RND3: variants seen among roughly 807,000 people sequenced by gnomAD.
RND3 encodes Rho family GTPase 3.
A neutral mutation model predicts 26.5 loss-of-function variants in RND3; 8 were observed. That is an observed-to-expected ratio of 0.30 (90% CI 0.18 to 0.54). RND3 has a LOEUF of 0.54. RND3 is among the 20% of genes least tolerant of loss of function. RND3 has a pLI of 0.94. For missense variants in RND3, 207 were observed against 302.8 expected (o/e 0.68, Z 2.35); for synonymous variants, 113 against 113.0 (o/e 1.00, Z 0.00).
intron 3 of RND3, among the ~76,000 whole-genome samples, chr2:150,476,346 G>C (rs1686164457): frequency 6.6e-6 from 1 of 152,294 alleles, no homozygotes; most frequent in South Asian, 2.1e-4. Context: ...CTGTTCTTGT[G>C]ATCTAAAAGG....
chr2:150,484,413 C>T (rs545672961), intron 3 of RND3, among the ~76,000 whole-genome samples: 2 of 152,268 alleles, frequency 1.3e-5, no homozygotes, highest in Non-Finnish European at 2.9e-5. Flanking sequence ...GCATCTATTC[C>T]GAAATATCCA....
intron 4 of RND3, among the ~76,000 whole-genome samples, chr2:150,473,091 A>G (rs1686112917): frequency 6.7e-6 from 1 of 148,336 alleles, no homozygotes; most frequent in Non-Finnish European, 1.5e-5. Context: ...ATTATGTAGG[A>G]ACACCTACCA....
intron 3 of RND3, among the ~76,000 whole-genome samples, chr2:150,480,438 G>A (rs959026250): frequency 2.0e-5 from 3 of 152,164 alleles, no homozygotes. Flanking sequence ...GAAAATGACT[G>A]AGCCACGACT....
At chr2:150,482,702 T>C (rs1686294701) in intron 3 of RND3, among the ~76,000 whole-genome samples, 1 of 115,330 alleles carries the variant, frequency 8.7e-6, no homozygotes, top group Admixed American at 1.2e-4. Context: ...GTAGTTGCTT[T>C]AACTGGTGTG....
In RND3 at chr2:150,474,968, G is replaced by A. The variant is rs549857506; in HGVS notation, c.255C>T (p.Asp85=). 6.2e-7 allele frequency: 1 copy of A among 1,610,934 alleles called. No individual in the cohort carries two copies. Among genetic ancestry groups the A allele is most frequent in the African/African-American group, 1.3e-5 (1 of 74,912 alleles). Residue 85 remains aspartate (D), a synonymous_variant, in exon 4 of 6, where the codon GAC becomes GAT. Coordinates refer to ENST00000263895, the MANE Select transcript of RND3 (RefSeq NM_005168.5). ...CAGGGTAAGAGAGGGGGCGGACATT[G>A]TCATAGTAAGGAGAACCTGAGAAGA... ...LWDTSGSPYY[D]NVRPLSYPDS...
chr2:150,481,818 C>A (rs1686277565), intron 3 of RND3, among the ~76,000 whole-genome samples: 1 of 152,122 alleles, frequency 6.6e-6, no homozygotes, highest in Non-Finnish European at 1.5e-5. Context: ...TACTGCTGAA[C>A]CATTTCCATC....
Position 150,487,474 on chromosome 2 carries a change from A to AAAATATATAT in RND3, c.-38-20_-38-19insATATATATTT. 306 of 200,788 alleles carry AAAATATATAT rather than the reference A, an allele frequency of 1.5e-3. 4 individuals carry two copies. Among genetic ancestry groups the AAAATATATAT allele is most frequent in the African/African-American group, 5.9e-3 (216 of 36,646 alleles). The allele number at this position is 200,788 out of a possible 1,614,324, so 12.4% of individuals were successfully genotyped here. ...ATTTTCTCTTAAGAAGAAAAAAAAA[A>AAAATATATAT]ATATATATATATATATATATTTCTC... is the stretch of plus-strand genomic sequence containing the variant. On this transcript the variant is annotated intron_variant, in intron 1 of 5. Transcript: ENST00000263895.
rs1686356017 is a variant in RND3 at position 150,486,125 on chromosome 2, C to T, written c.238+569G>A. On this transcript the variant is annotated intron_variant, in intron 3 of 5. Coordinates refer to ENST00000263895, the MANE Select transcript of RND3 (RefSeq NM_005168.5). This position sits in a 1 kb window ranked among gnomAD's most constrained non-coding sequence, Gnocchi z 4.5. ...GCGAAGAGGAGGTTCAGCTGCTGCC[C>T]GGCCCCTGCGCCACCAGCGCATTCC... is the stretch of plus-strand genomic sequence containing the variant. Among the ~76,000 whole-genome samples, 1 of 151,998 alleles carries T rather than the reference C, an allele frequency of 6.6e-6. No individual in the cohort carries two copies. Among genetic ancestry groups the T allele is most frequent in the East Asian group, 1.9e-4 (1 of 5,140 alleles).
chr2:150,480,504 T>C (rs970681114), intron 3 of RND3, among the ~76,000 whole-genome samples: 5 of 152,186 alleles, frequency 3.3e-5, no homozygotes, highest in Admixed American at 6.5e-5. Context: ...AAGTATTGGT[T>C]CTTGGTGTCA....
rs145714285 is a variant in RND3, at chr2:150,483,701, T to C, written c.238+2993A>G. Among the ~76,000 whole-genome samples, 16 of 152,334 alleles carry C rather than the reference T, an allele frequency of 1.1e-4. No homozygotes were observed. The East Asian group carries it at 3.1e-3, about 29-fold the overall frequency. ...TGTTAAAGATCCTTGAAATAATTAG[T>C]TGCTGATTCAATGGTTCCTGCTAGA... is the stretch of plus-strand genomic sequence containing the variant. On this transcript the variant is annotated intron_variant, in intron 3 of 5. Transcript: ENST00000263895.
chr2:150,487,458 T>TAAAAAA lies in RND3; in HGVS notation c.-38-4_-38-3insTTTTTT, dbSNP rs1558873205. 1.1e-6 allele frequency: 1 copy of TAAAAAA among 877,410 alleles called. No individual in the cohort carries two copies. The highest frequency in any genetic ancestry group is 1.5e-6 in the Non-Finnish European group (1 of 669,428). 54.4% of individuals were successfully genotyped at this position (877,410 alleles called of 1,614,324 possible). ...TTCTCTTGGAACAGGAATTTTCTCT[T>TAAAAAA]AAGAAGAAAAAAAAAAATATATATA... On this transcript the variant is annotated splice_region_variant and splice_polypyrimidine_tract_variant and intron_variant, in intron 1 of 5. Coordinates refer to ENST00000263895, the MANE Select transcript of RND3 (RefSeq NM_005168.5).
In RND3 at chr2:150,468,435, T is replaced by C. The variant is rs1203369519; in HGVS notation, c.*1552A>G. ...GCATAATGCTGCATCAATCAAAGCA[T>C]ATTATGTTGGTAAAATGTCTGTATT... is the stretch of plus-strand genomic sequence containing the variant. On this transcript the variant is annotated 3_prime_UTR_variant, in exon 6 of 6. Transcript: ENST00000263895. The C allele has an allele frequency of 6.6e-6, 1 of 152,646 alleles. No individual in the cohort carries two copies. Among genetic ancestry groups the C allele is most frequent in the Non-Finnish European group, 1.5e-5 (1 of 68,036 alleles). The allele number at this position is 152,646 out of a possible 1,614,324, so 9.5% of individuals were successfully genotyped here. A position where few individuals can be genotyped will look rare whatever the true frequency, so the allele number is the denominator to read the frequency against.
In RND3 at chr2:150,487,405, T is replaced by G. The variant is rs1686398639; in HGVS notation, c.13A>C (p.Arg5=). 3 of 1,522,008 alleles carry G rather than the reference T, an allele frequency of 2.0e-6. No individual in the cohort carries two copies. The highest frequency in any genetic ancestry group is 1.4e-5 in the African/African-American group (1 of 71,186). The allele number at this position is 1,522,008 out of a possible 1,614,324, so 94.3% of individuals were successfully genotyped here. The change falls in exon 2 of 6, where the codon AGA becomes CGA. Residue 5 remains arginine (R), a synonymous_variant. Coordinates refer to ENST00000263895, the MANE Select transcript of RND3 (RefSeq NM_005168.5). ...TTGCTGGATAATTTCTGGCTGGCTC[T>G]TCTCTCCTTCATTGATGTTGCCTTA... The part of the protein sequence containing the change: MKER[R]ASQKLSSKSI...
rs971358643 is a variant in RND3 at position 150,486,932 on chromosome 2, C to A, written c.151-151G>T. The A allele has an allele frequency of 8.8e-6, 6 of 683,268 alleles. No homozygotes were observed. In the Admixed American group the frequency reaches 1.3e-4, roughly 14 times the overall value. 42.3% of individuals were successfully genotyped at this position (683,268 alleles called of 1,614,324 possible). ...CAGACCACACACTAAGCACATGGAC[C>A]CTTTCCGAAACCCCTGTCCTACTCC... On this transcript the variant is annotated intron_variant, in intron 2 of 5. Coordinates refer to ENST00000263895, the MANE Select transcript of RND3 (RefSeq NM_005168.5). This position sits in a 1 kb window ranked among gnomAD's most constrained non-coding sequence, Gnocchi z 4.5.
intron 3 of RND3, among the ~76,000 whole-genome samples, chr2:150,481,593 C>G (rs1686270948): frequency 6.6e-6 from 1 of 152,152 alleles, no homozygotes; most frequent in Non-Finnish European, 1.5e-5. Context: ...AGAAGCTGCT[C>G]TCACCCAGCT....
Position 150,486,628 on chromosome 2 carries a change from ACCCGCCGCGCATCC to A in RND3, c.238+52_238+65del, listed in dbSNP as rs1170780905. On this transcript the variant is annotated intron_variant, in intron 3 of 5. Transcript: ENST00000263895. This position sits in a 1 kb window ranked among gnomAD's most constrained non-coding sequence, Gnocchi z 4.5. ...GGCTTGTAGCGCGCGGTTTCCCGAG[ACCCGCCGCGCATCC>A]CCCAGCGACTGGAAACCCGCCCCAA... The A allele has an allele frequency of 4.3e-6, 5 of 1,164,926 alleles. No individual in the cohort carries two copies. In the South Asian group the frequency reaches 4.9e-5, roughly 11 times the overall value. 72.2% of individuals were successfully genotyped at this position (1,164,926 alleles called of 1,614,324 possible). A position where few individuals can be genotyped will look rare whatever the true frequency, so the allele number is the denominator to read the frequency against.
chr2:150,478,040 C>CAAG (rs1178710826), intron 3 of RND3, among the ~76,000 whole-genome samples: 2 of 152,046 alleles, frequency 1.3e-5, no homozygotes, highest in African/African-American at 2.4e-5. Flanking sequence ...ACCATTTATT[C>CAAG]ACTATATTTT....
Position 150,486,948 on chromosome 2 carries a change from GTCCTAC to G in RND3, c.151-173_151-168del. On this transcript the variant is annotated intron_variant, in intron 2 of 5. Transcript: ENST00000263895. This position sits in a 1 kb window ranked among gnomAD's most constrained non-coding sequence, Gnocchi z 4.5. ...CACATGGACCCTTTCCGAAACCCCTGTCCTACTCCCCACTCACCCCACCCGGCTCTC... is the reference window on the plus strand; with the variant it reads ...CACATGGACCCTTTCCGAAACCCCTGTCCCCACTCACCCCACCCGGCTCTC... 1 of 651,078 alleles carries G rather than the reference GTCCTAC, an allele frequency of 1.5e-6. No homozygotes were observed. The highest frequency in any genetic ancestry group is 2.8e-6 in the Non-Finnish European group (1 of 360,120). 40.3% of individuals were successfully genotyped at this position (651,078 alleles called of 1,614,324 possible). A position where few individuals can be genotyped will look rare whatever the true frequency, so the allele number is the denominator to read the frequency against.
intron 3 of RND3, among the ~76,000 whole-genome samples, chr2:150,480,656 T>TA (rs35180203): frequency 0.41 from 60,294 of 148,222 alleles, 12,641 homozygotes; most frequent in Admixed American, 0.55. Context: ...TAAATGCGGC[T>TA]AAAAAAAAAA....
Sources: gnomAD v4.1 joint callset for allele counts (sites outside exome capture counted in the v4.1 genomes callset) on GRCh38, gnomAD v4.1.1 for gene constraint, Gnocchi (gnomAD v3.1) non-coding constraint, MANE v1.5 for transcripts, NCBI Gene and HGNC (gene_info 2026-07-23, HGNC 2026-07-21) for gene names.